Variants in PHACTR2 observed in about 807,000 individuals in gnomAD.
PHACTR2 encodes the protein chromosome 6 open reading frame 56.
In PHACTR2, 30 loss-of-function variants were observed where a neutral mutation model predicts 76.0. That is an observed-to-expected ratio of 0.39 (90% CI 0.30 to 0.54). The LOEUF is 0.54. PHACTR2 is among the 20% of genes least tolerant of loss of function. PHACTR2 has a pLI of 0.61. For synonymous variants in PHACTR2, 292 were observed against 292.5 expected, an observed-to-expected ratio of 1.00 and a Z score of 0.02; for missense variants, 696 against 781.1, an observed-to-expected ratio of 0.89 and a Z score of 1.30.
At position 143,793,526 on chromosome 6, in the gene PHACTR2, A is replaced by G. The variant is rs982118804; in HGVS notation, c.1845+4616A>G. On this transcript the variant is annotated intron_variant, in intron 11 of 12. Coordinates refer to ENST00000440869, the MANE Select transcript of PHACTR2 (RefSeq NM_001100164.2). The surrounding 1 kb of genome is among the most constrained non-coding windows in gnomAD (Gnocchi z 4.4). ...TTTCTCCTGAGGCTTTTTAAAGTCT[A>G]AAAAGCAGCATTTTTAGAAGTGGAT... 1.3e-5 allele frequency among the ~76,000 whole-genome samples: 2 copies of G among 152,194 alleles called. No homozygotes were observed. The highest frequency in any genetic ancestry group is 1.5e-5 in the Non-Finnish European group (1 of 68,032).
intron 1 of PHACTR2, among the ~76,000 whole-genome samples, chr6:143,661,712 C>T (rs771326874): frequency 1.3e-4 from 20 of 152,018 alleles, no homozygotes; most frequent in Admixed American, 1.2e-3. Flanking sequence ...TGCACCACCA[C>T]ACCTGGCTAA....
Position 143,755,938 on chromosome 6 carries a change from TCA to T in PHACTR2, c.454+2028_454+2029del, listed in dbSNP as rs542479398. On this transcript the variant is annotated intron_variant, in intron 4 of 12. Transcript: ENST00000440869. This position sits in a 1 kb window ranked among gnomAD's most constrained non-coding sequence, Gnocchi z 5.2. ...TTTTGCCTCTGCTCCTCTTCTGGTC[TCA>T]CTGCTTGTGTGAGCTCACTGCCGTG... Among the ~76,000 whole-genome samples the T allele has an allele frequency of 8.5e-5, 13 of 152,190 alleles. No individual in the cohort carries two copies. In the South Asian group the frequency reaches 2.7e-3, roughly 32 times the overall value.
At position 143,750,296 on chromosome 6, in the gene PHACTR2, CTATT is replaced by C. The variant is rs1326001223; in HGVS notation, c.295+1237_295+1240del. Among the ~76,000 whole-genome samples, 1 of 152,102 alleles carries C rather than the reference CTATT, an allele frequency of 6.6e-6. No homozygotes were observed. The highest frequency in any genetic ancestry group is 2.4e-5 in the African/African-American group (1 of 41,428). ...TCCCTGTTTTTCTATTATTTTGAAG[CTATT>C]TATTTCCTGTTTGAGACTTTTAAGA... On this transcript the variant is annotated intron_variant, in intron 3 of 12. Coordinates refer to ENST00000440869, the MANE Select transcript of PHACTR2 (RefSeq NM_001100164.2). The surrounding 1 kb of genome is among the most constrained non-coding windows in gnomAD (Gnocchi z 4.6).
chr6:143,545,194 C>G (rs920048661), intron 1 of PHACTR2, among the ~76,000 whole-genome samples: 2 of 152,164 alleles, frequency 1.3e-5, no homozygotes, highest in Non-Finnish European at 2.9e-5. Flanking sequence ...AGCCACCCAC[C>G]TAGGCCTCCC....
rs1776572740 is a variant in PHACTR2, at chr6:143,827,516, T to A, written c.*3827T>A. 1 of 152,054 alleles carries A rather than the reference T, an allele frequency of 6.6e-6. No homozygotes were observed. The highest frequency in any genetic ancestry group is 1.5e-5 in the Non-Finnish European group (1 of 67,998). The allele number at this position is 152,054 out of a possible 1,614,324, so 9.4% of individuals were successfully genotyped here. A position where few individuals can be genotyped will look rare whatever the true frequency, so the allele number is the denominator to read the frequency against. On this transcript the variant is annotated 3_prime_UTR_variant, in exon 13 of 13. Transcript: ENST00000440869. ...AGCAAGAAATCTTCCTCAGAGTAGG[T>A]GGTATGAAATTAAACTAGTACAATA... is the stretch of plus-strand genomic sequence containing the variant.
chr6:143,804,634 C>T (rs1776027388), intron 11 of PHACTR2, among the ~76,000 whole-genome samples: 1 of 152,188 alleles, frequency 6.6e-6, no homozygotes. Context: ...ATCTATAGCA[C>T]ACAATTTACA....
At chr6:143,645,238 A>T (rs1272652776) in intron 1 of PHACTR2, among the ~76,000 whole-genome samples, 1 of 152,042 alleles carries the variant, frequency 6.6e-6, no homozygotes, top group East Asian at 1.9e-4. Context: ...AGAAATATGG[A>T]GCCAGCCCAA....
upstream of PHACTR2, chr6:143,608,093 C>T: frequency 1.7e-6 from 1 of 593,846 alleles, no homozygotes. This position sits in a 1 kb window ranked among gnomAD's most constrained non-coding sequence, Gnocchi z 4.6. Context: ...TTGATAGGCT[C>T]AGTCTCTCTT....
intron 1 of PHACTR2, among the ~76,000 whole-genome samples, chr6:143,635,263 A>G (rs1334852822): frequency 6.6e-6 from 1 of 151,778 alleles, no homozygotes; most frequent in Non-Finnish European, 1.5e-5. Flanking sequence ...CTATTCCATT[A>G]TTTGCATGTA....
chr6:143,699,957 A>T (rs1287636554), intron 1 of PHACTR2, among the ~76,000 whole-genome samples: 6 of 152,132 alleles, frequency 3.9e-5, no homozygotes, highest in African/African-American at 1.4e-4. Flanking sequence ...TTTCCATAGT[A>T]CATGCCTGCA....
Position 143,546,074 on chromosome 6 carries a change from G to T in PHACTR2, c.217+8867G>T, listed in dbSNP as rs148990078. Among the ~76,000 whole-genome samples the T allele has an allele frequency of 3.7e-3, 561 of 152,038 alleles. 4 individuals are homozygous for T. The highest frequency in any genetic ancestry group is 0.013 in the African/African-American group (538 of 41,432). ...TGTCTCAAGGTACAAGTGTAGTTTCGGTTACAGTGAAACTCAGGAAAAAAC... is the reference window on the plus strand; with the variant it reads ...TGTCTCAAGGTACAAGTGTAGTTTCTGTTACAGTGAAACTCAGGAAAAAAC... On this transcript the variant is annotated intron_variant, in intron 1 of 11. Transcript: ENST00000367584. The surrounding 1 kb of genome is among the most constrained non-coding windows in gnomAD (Gnocchi z 4.9).
Position 143,598,222 on chromosome 6 carries a change from A to G in PHACTR2, c.217+61015A>G, listed in dbSNP as rs894414878. Among the ~76,000 whole-genome samples, 3 of 152,210 alleles carry G rather than the reference A, an allele frequency of 2.0e-5. No individual in the cohort carries two copies. The highest frequency in any genetic ancestry group is 2.9e-5 in the Non-Finnish European group (2 of 68,036). Reference sequence around the variant, plus strand: ...ATGATCCTGGGCGAAATGATCCTACATTATTTGGCTGGGCTCAGTGTAATC... The same window carrying G: ...ATGATCCTGGGCGAAATGATCCTACGTTATTTGGCTGGGCTCAGTGTAATC... On this transcript the variant is annotated intron_variant, in intron 1 of 11. Transcript: ENST00000367584. This position sits in a 1 kb window ranked among gnomAD's most constrained non-coding sequence, Gnocchi z 4.1.
chr6:143,745,415 G>T (rs991174697), intron 2 of PHACTR2, among the ~76,000 whole-genome samples: 3 of 152,164 alleles, frequency 2.0e-5, no homozygotes, highest in African/African-American at 7.2e-5. Context: ...AGTGGGTTGC[G>T]CCTTAAAGTG....
intron 11 of PHACTR2, among the ~76,000 whole-genome samples, chr6:143,796,967 AT>A (rs1442557645): frequency 6.6e-6 from 1 of 152,150 alleles, no homozygotes; most frequent in Non-Finnish European, 1.5e-5. Flanking sequence ...CTAGTTCTAG[AT>A]CCTTGAGGAA....
In PHACTR2 at chr6:143,772,286, A is replaced by C; in HGVS notation, c.1261A>C (p.Thr421Pro). The C allele has an allele frequency of 6.2e-7, 1 of 1,613,640 alleles. No homozygotes were observed. The highest frequency in any genetic ancestry group is 8.5e-7 in the Non-Finnish European group (1 of 1,179,564). The change falls in exon 7 of 13, where the codon ACA becomes CCA. Residue 421 changes from threonine (T) to proline (P), a missense_variant. By Grantham distance (38) the Thr-to-Pro change is conservative. Transcript: ENST00000440869. The surrounding 1 kb of genome is among the most constrained non-coding windows in gnomAD (Gnocchi z 5.4). ...CFTTKEELGK[T>P]VPQLLTPGLM... ...CACAACCAAAGAGGAGCTGGGGAAG[A>C]CAGTGCCTCAGCTACTGACTCCTGG...
Position 143,678,220 on chromosome 6 carries a change from GGCGCAC to G in PHACTR2, c.46+15_46+20del. On this transcript the variant is annotated intron_variant, in intron 1 of 12. Coordinates refer to ENST00000440869, the MANE Select transcript of PHACTR2 (RefSeq NM_001100164.2). This position sits in a 1 kb window ranked among gnomAD's most constrained non-coding sequence, Gnocchi z 6.2. Reference sequence around the variant, plus strand: ...CGCAGCCCGGCAGCGGTGAGTCCGGGGCGCACGCGATGCGCTCCCGCCGCGCGGGCG... The same window carrying G: ...CGCAGCCCGGCAGCGGTGAGTCCGGGGCGATGCGCTCCCGCCGCGCGGGCG... 6.7e-7 allele frequency: 1 copy of G among 1,497,774 alleles called. No individual in the cohort carries two copies. The highest frequency in any genetic ancestry group is 8.9e-7 in the Non-Finnish European group (1 of 1,124,218). 92.8% of individuals were successfully genotyped at this position (1,497,774 alleles called of 1,614,324 possible).
chr6:143,756,608 A>G (rs1779304649), intron 4 of PHACTR2, among the ~76,000 whole-genome samples: 1 of 151,158 alleles, frequency 6.6e-6, no homozygotes, highest in Admixed American at 6.6e-5. Context: ...CTGAGGCAGG[A>G]GAATGGCGTG....
chr6:143,613,842 C>A (rs572261531), intron 1 of PHACTR2, among the ~76,000 whole-genome samples: 13 of 152,210 alleles, frequency 8.5e-5, no homozygotes, highest in African/African-American at 3.1e-4. Flanking sequence ...CTCCCCAACC[C>A]ACCTCCACAC....
rs1775761637 is a variant in PHACTR2 at position 143,596,919 on chromosome 6, A to G, written c.217+59712A>G. Reference sequence around the variant, plus strand: ...CTAGGGCTCTGCAGCCCTTGCTGAAAGTCCTGTGAACTTACTTGCTGGCCA... The same window carrying G: ...CTAGGGCTCTGCAGCCCTTGCTGAAGGTCCTGTGAACTTACTTGCTGGCCA... On this transcript the variant is annotated intron_variant, in intron 1 of 11. Coordinates refer to the PHACTR2 transcript ENST00000367584. The surrounding 1 kb of genome is among the most constrained non-coding windows in gnomAD (Gnocchi z 4.6). Among the ~76,000 whole-genome samples, 1 of 152,192 alleles carries G rather than the reference A, an allele frequency of 6.6e-6. No individual in the cohort carries two copies. The highest frequency in any genetic ancestry group is 6.5e-5 in the Admixed American group (1 of 15,292).
Sources: gnomAD v4.1 joint callset for allele counts (sites outside exome capture counted in the v4.1 genomes callset) on GRCh38, gnomAD v4.1.1 for gene constraint, Gnocchi (gnomAD v3.1) non-coding constraint, MANE v1.5 for transcripts, NCBI Gene and HGNC (gene_info 2026-07-23, HGNC 2026-07-21) for gene names.